Variants in TBCK observed in about 807,000 individuals in gnomAD.
TBCK encodes the protein TBC1 domain containing kinase.
TBCK carries 99 observed loss-of-function variants against 113.4 expected under a neutral mutation model. The observed-to-expected ratio is 0.87, with a 90% CI of 0.74 to 1.03. The LOEUF (loss-of-function observed/expected upper bound fraction) is 1.03. Ranked by LOEUF, TBCK falls within the 50% of genes least tolerant of loss-of-function variation. The pLI is 0.00. For synonymous variants in TBCK, 369 were observed against 370.8 expected (o/e 1.00, Z 0.05); for missense variants, 1,045 against 1,061.3 (o/e 0.98, Z 0.21).
At chr4:106,120,247 GC>G (rs1227555298) in intron 23 of TBCK, among the ~76,000 whole-genome samples, 2 of 152,150 alleles carry the variant, frequency 1.3e-5, no homozygotes, top group African/African-American at 4.8e-5. Context: ...CGAATATTGC[GC>G]TTTTCGGACC....
chr4:106,078,733 T>A (rs1738514440), intron 25 of TBCK, among the ~76,000 whole-genome samples: 2 of 134,934 alleles, frequency 1.5e-5, no homozygotes, highest in South Asian at 5.3e-4. Context: ...AGTCCTATTC[T>A]AACTATTCAA....
chr4:106,054,639 C>T (rs969805873), intron 25 of TBCK, among the ~76,000 whole-genome samples: 1 of 151,652 alleles, frequency 6.6e-6, no homozygotes, highest in African/African-American at 2.4e-5. Context: ...TCTCCAATGC[C>T]TAGAACAGTG....
chr4:106,309,721 G>C (rs1263244678), intron 1 of TBCK, among the ~76,000 whole-genome samples: 1 of 152,074 alleles, frequency 6.6e-6, no homozygotes, highest in Non-Finnish European at 1.5e-5. Context: ...GTAACGAATA[G>C]GGGACCTTAT....
chr4:106,052,295 AAGG>A (rs913424357), intron 25 of TBCK, among the ~76,000 whole-genome samples: 1 of 151,848 alleles, frequency 6.6e-6, no homozygotes, highest in Non-Finnish European at 1.5e-5. Context: ...TGTGACAAGG[AAGG>A]AGAAGAACAG....
intron 25 of TBCK, among the ~76,000 whole-genome samples, chr4:106,093,148 C>T (rs1250069404): frequency 6.6e-6 from 1 of 152,214 alleles, no homozygotes; most frequent in Non-Finnish European, 1.5e-5. Flanking sequence ...GTAATATCCA[C>T]TTGCATACTT....
chr4:106,090,226 C>G (rs908509877), intron 25 of TBCK, among the ~76,000 whole-genome samples: 4 of 152,238 alleles, frequency 2.6e-5, no homozygotes, highest in Non-Finnish European at 5.9e-5. Context: ...CCAGGGATTA[C>G]GGCTTGCTCC....
chr4:106,286,805 A>G (rs753250085), intron 3 of TBCK, among the ~76,000 whole-genome samples: 20 of 147,602 alleles, frequency 1.4e-4, no homozygotes, highest in Non-Finnish European at 2.5e-4. Flanking sequence ...TCAAGGCTAC[A>G]GTAAGCAGCG....
rs1385814535 is a variant in TBCK, at chr4:106,247,334, T to C, written c.783-47A>G. Reference sequence around the variant, plus strand: ...GAGCATGAATGAAAGTCATAAAAAATTTCCTAGAATAATGGCATACATTCA... The same window carrying C: ...GAGCATGAATGAAAGTCATAAAAAACTTCCTAGAATAATGGCATACATTCA... On this transcript the variant is annotated intron_variant, in intron 9 of 25. Transcript: ENST00000394708. 3 of 1,578,778 alleles carry C rather than the reference T, an allele frequency of 1.9e-6. No individual in the cohort carries two copies. The South Asian group carries it at 3.4e-5, about 18-fold the overall frequency.
At chr4:106,125,248 G>A (rs976597614) in intron 23 of TBCK, among the ~76,000 whole-genome samples, 2 of 152,076 alleles carry the variant, frequency 1.3e-5, no homozygotes, top group South Asian at 4.1e-4. Context: ...GAAAGGAAAT[G>A]AGGATATCGA....
intron 12 of TBCK, chr4:106,238,805 TCA>T (rs2150019370): frequency 6.6e-6 from 1 of 152,294 alleles, no homozygotes; most frequent in Non-Finnish European, 1.5e-5. Flanking sequence ...ATACAGGGAA[TCA>T]CAGCTCAACA....
At chr4:106,120,796 C>G (rs1329756740) in intron 23 of TBCK, among the ~76,000 whole-genome samples, 2 of 152,096 alleles carry the variant, frequency 1.3e-5, no homozygotes, top group Admixed American at 6.5e-5. Flanking sequence ...AAAGGACATC[C>G]ACACCAAAAA....
In TBCK at chr4:106,251,866, C is replaced by A; in HGVS notation, c.597G>T (p.Val199=). The A allele has an allele frequency of 6.3e-7, 1 of 1,587,794 alleles. No homozygotes were observed. Among genetic ancestry groups the A allele is most frequent in the Non-Finnish European group, 8.6e-7 (1 of 1,168,182 alleles). The stretch of plus-strand genomic sequence containing the variant: ...TATATTAATATTTCTTTATACATAC[C>A]ACACAAAGCTCAAATAAAATGATTC... The part of the protein sequence containing the change: ...SLGIILFELC[V]GRKLFQSLDI... Residue 199 remains valine (V), a splice_region_variant and synonymous_variant, in exon 6 of 26, where the codon GTG becomes GTT. Transcript: ENST00000394708.
chr4:106,272,124 G>T (rs920451618), intron 3 of TBCK, among the ~76,000 whole-genome samples: 1 of 149,390 alleles, frequency 6.7e-6, no homozygotes, highest in Non-Finnish European at 1.5e-5. Context: ...AAGATAATAG[G>T]TTTTAGATTT....
intron 24 of TBCK, among the ~76,000 whole-genome samples, chr4:106,106,178 C>T (rs1236577759): frequency 1.3e-5 from 2 of 152,048 alleles, no homozygotes; most frequent in South Asian, 2.1e-4. Flanking sequence ...ATTGGCATCC[C>T]TGAAAGAGAG....
chr4:106,099,345 C>T (rs1397229525), intron 24 of TBCK, among the ~76,000 whole-genome samples: 1 of 152,072 alleles, frequency 6.6e-6, no homozygotes, highest in Non-Finnish European at 1.5e-5. Flanking sequence ...TCTTTAAAGA[C>T]AACACACACC....
intron 23 of TBCK, chr4:106,164,563 C>T (rs1488584476): frequency 1.3e-5 from 2 of 151,584 alleles, no homozygotes; most frequent in African/African-American, 2.4e-5. Flanking sequence ...GAGTGAAAAA[C>T]ACATTTACAG....
intron 22 of TBCK, among the ~76,000 whole-genome samples, chr4:106,189,172 T>G (rs1333046903): frequency 6.6e-6 from 1 of 152,042 alleles, no homozygotes; most frequent in East Asian, 1.9e-4. Context: ...TGTTTATATG[T>G]AATTTTTACA....
chr4:106,196,307 T>C (rs902286908), intron 20 of TBCK, among the ~76,000 whole-genome samples: 6 of 151,890 alleles, frequency 4.0e-5, no homozygotes, highest in African/African-American at 1.2e-4. Context: ...AAAATCTCCT[T>C]TGTCAATAGC....
chr4:106,273,001 T>C (rs952377416), intron 3 of TBCK, among the ~76,000 whole-genome samples: 1 of 152,242 alleles, frequency 6.6e-6, no homozygotes, highest in South Asian at 2.1e-4. Context: ...GTTAAAATAA[T>C]AGCAATGATA....
Sources: allele counts gnomAD v4.1 joint callset (sites outside exome capture counted in the v4.1 genomes callset), GRCh38; gene constraint gnomAD v4.1.1; transcripts MANE v1.5; gene names NCBI Gene and HGNC (gene_info 2026-07-23, HGNC 2026-07-21).